Variants in SMAD9 observed in about 807,000 individuals in gnomAD.
The protein encoded by SMAD9 is SMAD family member 9, also known as MAD homolog 9.
Under a neutral mutation model 46.1 loss-of-function variants are expected in SMAD9, and 36 were observed. The ratio of observed to expected loss-of-function variants is 0.78; its 90% CI spans 0.60 to 1.03. The LOEUF (loss-of-function observed/expected upper bound fraction) is 1.03. SMAD9 is among the 50% of genes least tolerant of loss of function. SMAD9 has a pLI of 0.00. For synonymous variants in SMAD9, 245 were observed against 237.1 expected (o/e 1.03, Z -0.31); for missense variants, 572 against 599.8 (o/e 0.95, Z 0.48).
rs1310245427 is a variant in SMAD9 at position 36,879,374 on chromosome 13, C to T, written c.316G>A (p.Glu106Lys). Reference sequence around the variant, plus strand: ...TCACAGCACTCCAGCGGCTTCAGCTCGTGGTGGGACTGCAGATCCGGCCAG... The same window carrying T: ...TCACAGCACTCCAGCGGCTTCAGCTTGTGGTGGGACTGCAGATCCGGCCAG... ...WRWPDLQSHH[E>K]LKPLECCEFP... The change falls in exon 2 of 7, where the codon GAG becomes AAG. Residue 106 changes from glutamate (E) to lysine (K), a missense_variant. Coordinates refer to ENST00000379826, the MANE Select transcript of SMAD9 (RefSeq NM_001127217.3). The T allele has an allele frequency of 1.9e-6, 3 of 1,614,122 alleles. No homozygotes were observed. The highest frequency in any genetic ancestry group is 1.3e-5 in the African/African-American group (1 of 75,050).
intron 2 of SMAD9, among the ~76,000 whole-genome samples, chr13:36,877,610 C>T (rs2058357611): frequency 6.6e-6 from 1 of 151,870 alleles, no homozygotes; most frequent in African/African-American, 2.4e-5. Flanking sequence ...TAAGCTTAGA[C>T]ATTATTGACT....
At position 36,872,859 on chromosome 13, in the gene SMAD9, G is replaced by T; in HGVS notation, c.469C>A (p.Leu157Met). The T allele has an allele frequency of 6.2e-7, 1 of 1,614,168 alleles. No individual in the cohort carries two copies. The highest frequency in any genetic ancestry group is 8.5e-7 in the Non-Finnish European group (1 of 1,180,020). ...HSEYNPQLSLLAKFRSASLHS... is the reference protein window; with the variant it reads ...HSEYNPQLSLMAKFRSASLHS... ...AGGGAGGCGCTGCGGAACTTGGCCA[G>T]GAGGCTGAGCTGGGGGTTATATTCA... Residue 157 changes from leucine (L) to methionine (M), a missense_variant, in exon 3 of 7, where the codon CTG (leucine) becomes ATG (methionine). Coordinates refer to ENST00000379826, the MANE Select transcript of SMAD9 (RefSeq NM_001127217.3).
intron 1 of SMAD9, among the ~76,000 whole-genome samples, chr13:36,886,965 G>A (rs971363626): frequency 6.6e-6 from 1 of 151,874 alleles, no homozygotes; most frequent in Non-Finnish European, 1.5e-5. Flanking sequence ...GAAGACACGA[G>A]TGTCCTGCTG....
intron 5 of SMAD9, among the ~76,000 whole-genome samples, chr13:36,860,251 G>A (rs2058167852): frequency 6.6e-6 from 1 of 151,964 alleles, no homozygotes; most frequent in South Asian, 2.1e-4. Context: ...AGAATTACTA[G>A]AATTATACAG....
intron 1 of SMAD9, among the ~76,000 whole-genome samples, chr13:36,889,869 A>G (rs1213884397): frequency 6.6e-6 from 1 of 152,198 alleles, no homozygotes; most frequent in Non-Finnish European, 1.5e-5. Flanking sequence ...CTCAAAAAGA[A>G]TACCCCAGAT....
At chr13:36,903,401 AGTC>A (rs2058594141) in intron 1 of SMAD9, among the ~76,000 whole-genome samples, 1 of 152,102 alleles carries the variant, frequency 6.6e-6, no homozygotes, top group Non-Finnish European at 1.5e-5. Context: ...CTGGGATTAC[AGTC>A]GTCAGCCACC....
At chr13:36,893,461 TAAAG>T (rs1018871245) in intron 1 of SMAD9, among the ~76,000 whole-genome samples, 24 of 148,220 alleles carry the variant, frequency 1.6e-4, no homozygotes, top group Non-Finnish European at 3.1e-4. Flanking sequence ...TATATACACA[TAAAG>T]AAACCACTGC....
At chr13:36,905,279 C>G (rs540542643) in intron 1 of SMAD9, among the ~76,000 whole-genome samples, 3 of 152,114 alleles carry the variant, frequency 2.0e-5, no homozygotes, top group Admixed American at 2.0e-4. Context: ...TTGTTTTACC[C>G]CACTCCCATT....
At chr13:36,868,416 G>C (rs894830778) in intron 3 of SMAD9, among the ~76,000 whole-genome samples, 1 of 152,170 alleles carries the variant, frequency 6.6e-6, no homozygotes, top group Non-Finnish European at 1.5e-5. Flanking sequence ...CCTTTTTGTA[G>C]GTCTTTGACT....
rs2138247284 is a variant in SMAD9, at chr13:36,847,731, G to C, written c.*945C>G. On this transcript the variant is annotated 3_prime_UTR_variant, in exon 7 of 7. Coordinates refer to ENST00000379826, the MANE Select transcript of SMAD9 (RefSeq NM_001127217.3). ...CAGGAGACTGGAACGTGGGAAATGAGAAAGTGTAAGTCGACGTGTGATGCT... is the reference window on the plus strand; with the variant it reads ...CAGGAGACTGGAACGTGGGAAATGACAAAGTGTAAGTCGACGTGTGATGCT... The C allele has an allele frequency of 6.6e-6, 1 of 152,350 alleles. No homozygotes were observed. The highest frequency in any genetic ancestry group is 2.4e-5 in the African/African-American group (1 of 41,576). The allele number at this position is 152,350 out of a possible 1,614,324, so 9.4% of individuals were successfully genotyped here.
At chr13:36,874,798 C>A (rs547661500) in intron 2 of SMAD9, among the ~76,000 whole-genome samples, 1 of 134,180 alleles carries the variant, frequency 7.5e-6, no homozygotes, top group South Asian at 2.3e-4. Context: ...GCGGAGCTTG[C>A]AGTGAGCCAA....
chr13:36,873,050 G>T (rs991900194), intron 2 of SMAD9, 135 bp from the exon 3 acceptor site: 1 of 962,142 alleles, frequency 1.0e-6, no homozygotes, highest in Admixed American at 2.0e-5. Flanking sequence ...ACTCCCATTA[G>T]TCTTTGTGCT....
intron 1 of SMAD9, among the ~76,000 whole-genome samples, chr13:36,892,627 C>T (rs998658265): frequency 2.4e-4 from 37 of 152,124 alleles, no homozygotes; most frequent in Admixed American, 1.5e-3. Context: ...TGAAATGGAT[C>T]GGACTACATC....
Position 36,848,930 on chromosome 13 carries a change from G to A in SMAD9, c.1261-111C>T. On this transcript the variant is annotated intron_variant, in intron 6 of 6. Coordinates refer to ENST00000379826, the MANE Select transcript of SMAD9 (RefSeq NM_001127217.3). ...GCCCACACCCCAGCGTAGCTCCTGA[G>A]ACCTGAGAGGGAGAGAACATGGCCT... 3 of 993,694 alleles carry A rather than the reference G, an allele frequency of 3.0e-6. No homozygotes were observed. The South Asian group carries it at 4.3e-5, about 14-fold the overall frequency. The allele number at this position is 993,694 out of a possible 1,614,324, so 61.6% of individuals were successfully genotyped here.
At chr13:36,901,710 G>A (rs927782955) in intron 1 of SMAD9, among the ~76,000 whole-genome samples, 2 of 152,206 alleles carry the variant, frequency 1.3e-5, no homozygotes, top group African/African-American at 4.8e-5. Context: ...TTACAGGCAT[G>A]AGCCACTGTG....
At chr13:36,855,919 CTCAG>C (rs1404730284) in intron 5 of SMAD9, among the ~76,000 whole-genome samples, 1 of 152,226 alleles carries the variant, frequency 6.6e-6, no homozygotes. Flanking sequence ...TCTCCTCTTC[CTCAG>C]TCAGAGACTG....
At position 36,879,710 on chromosome 13, in the gene SMAD9, G is replaced by A. The variant is rs754412108; in HGVS notation, c.-21C>T. ...TGCATAAGAGGCCACAGCAGGCTCCGGCGCGCACGGGAACCGCACAGCCCT... is the reference window on the plus strand; with the variant it reads ...TGCATAAGAGGCCACAGCAGGCTCCAGCGCGCACGGGAACCGCACAGCCCT... On this transcript the variant is annotated 5_prime_UTR_variant, in exon 2 of 7. Coordinates refer to ENST00000379826, the MANE Select transcript of SMAD9 (RefSeq NM_001127217.3). 27 of 1,612,786 alleles carry A rather than the reference G, an allele frequency of 1.7e-5. No individual in the cohort carries two copies. Among genetic ancestry groups the A allele is most frequent in the Non-Finnish European group, 1.9e-5 (23 of 1,180,036 alleles).
chr13:36,901,401 T>C lies in SMAD9; in HGVS notation c.-187+18715A>G, dbSNP rs548596121. Among the ~76,000 whole-genome samples, 7 of 151,604 alleles carry C rather than the reference T, an allele frequency of 4.6e-5. No individual in the cohort carries two copies. In the East Asian group the frequency reaches 1.4e-3, roughly 29 times the overall value. On this transcript the variant is annotated intron_variant, in intron 1 of 6. Transcript: ENST00000379826. ...GTAGATATGTAGTGATATATCACTG[T>C]GGGTTTGGCTTCTTTTTTGTTTTTT...
intron 5 of SMAD9, among the ~76,000 whole-genome samples, chr13:36,862,596 C>G (rs150308185): frequency 6.2e-4 from 94 of 152,330 alleles, no homozygotes; most frequent in African/African-American, 2.2e-3. Context: ...CTTTGTTTAG[C>G]ATATAATCAA....
Sources: gnomAD v4.1 joint callset for allele counts (sites outside exome capture counted in the v4.1 genomes callset) on GRCh38, gnomAD v4.1.1 for gene constraint, MANE v1.5 for transcripts, NCBI Gene and HGNC (gene_info 2026-07-23, HGNC 2026-07-21) for gene names.